The following SHB variants were observed in gnomAD, a reference collection of about 807,000 sequenced individuals.
The protein encoded by SHB is SH2 domain containing adaptor protein B, also known as SH2 domain-containing adapter protein B.
A neutral mutation model predicts 52.3 loss-of-function variants in SHB; 20 were observed. That is an observed-to-expected ratio of 0.38 (90% CI 0.27 to 0.56). SHB has a LOEUF of 0.56. Among genes scored for constraint, SHB ranks in the 20% least tolerant of loss-of-function variants. The probability of loss-of-function intolerance (pLI) is 0.71; values close to 1 mark genes in which losing one functional copy is unlikely to be tolerated. For missense variants in SHB, 825 were observed against 723.3 expected (o/e 1.14, Z -1.61); for synonymous variants, 397 against 316.5 (o/e 1.25, Z -2.70).
At position 37,990,536 on chromosome 9, in the gene SHB, T is replaced by C. The variant is rs546611291; in HGVS notation, c.839-15699A>G. Among the ~76,000 whole-genome samples, 45 of 152,104 alleles carry C rather than the reference T, an allele frequency of 3.0e-4. 1 individual carries two copies. The highest frequency in any genetic ancestry group is 9.9e-4 in the African/African-American group (41 of 41,414). ...CAGAATTTAGCACAGAAAACAAATG[T>C]TTAAAAAAAAATTTGTGTATTCTAA... On this transcript the variant is annotated intron_variant, in intron 2 of 5. Transcript: ENST00000377707.
chr9:38,058,482 T>C (rs2118183893), intron 1 of SHB, among the ~76,000 whole-genome samples: 2 of 152,328 alleles, frequency 1.3e-5, no homozygotes, highest in Middle Eastern at 3.4e-3. Flanking sequence ...CCTCTTCTCA[T>C]CACCTGCTGT....
In SHB at chr9:37,984,223, C is replaced by A. The variant is rs144769572; in HGVS notation, c.839-9386G>T. Among the ~76,000 whole-genome samples, 946 of 152,354 alleles carry A rather than the reference C, an allele frequency of 6.2e-3. 5 individuals are homozygous for A. The highest frequency in any genetic ancestry group is 0.012 in the Admixed American group (184 of 15,306). ...AAGACTCTTCCTCCTCCAAGGCTGT[C>A]TTTGCCCACAGAGCCACAGAAGGCC... On this transcript the variant is annotated intron_variant, in intron 2 of 5. Coordinates refer to ENST00000377707, the MANE Select transcript of SHB (RefSeq NM_003028.3).
Position 38,016,109 on chromosome 9 carries a change from G to C in SHB, c.740C>G (p.Ser247Ter). The stretch of plus-strand genomic sequence containing the variant: ...ATCATTCTTGGCATCAAAGGGATCT[G>C]AGTAGTCATCGGCTATGGTCACCTG... ...KDKVTIADDY[S>*]DPFDAKNDLK... Residue 247 changes from serine to a stop codon, truncating the protein, a stop_gained, in exon 2 of 6, where the codon TCA becomes TGA. Coordinates refer to ENST00000377707, the MANE Select transcript of SHB (RefSeq NM_003028.3). LOFTEE classifies it high-confidence loss of function. 1 of 1,614,168 alleles carries C rather than the reference G, an allele frequency of 6.2e-7. No individual in the cohort carries two copies. Among genetic ancestry groups the C allele is most frequent in the Non-Finnish European group, 8.5e-7 (1 of 1,179,982 alleles).
chr9:38,040,225 A>G (rs1184907043), intron 1 of SHB, among the ~76,000 whole-genome samples: 3 of 152,208 alleles, frequency 2.0e-5, no homozygotes, highest in Non-Finnish European at 2.9e-5. Context: ...TCGATGGGGA[A>G]AGGCTGGGGT....
rs200546962 is a variant in SHB at position 37,917,037 on chromosome 9, G to GA, written c.*2783dup. On this transcript the variant is annotated 3_prime_UTR_variant, in exon 6 of 6. Transcript: ENST00000377707. ...TTTCCCCAATTAATTGGCAGCAGATGAAAAAAAAAAAAAACAAACCCAAAA... is the reference window on the plus strand; with the variant it reads ...TTTCCCCAATTAATTGGCAGCAGATGAAAAAAAAAAAAAAACAAACCCAAAA... 0.046 allele frequency among the ~76,000 whole-genome samples: 5,533 copies of GA among 119,730 alleles called. 233 individuals carry two copies. Among genetic ancestry groups the GA allele is most frequent in the African/African-American group, 0.11 (3,752 of 33,398 alleles). The allele number at this position is 119,730 out of a possible 152,430, so 78.5% of individuals were successfully genotyped here.
In SHB at chr9:37,940,627, TC is replaced by T. The variant is rs150595414; in HGVS notation, c.1346+8007del. 3.0e-3 allele frequency among the ~76,000 whole-genome samples: 457 copies of T among 152,244 alleles called. 1 individual carries two copies. The highest frequency in any genetic ancestry group is 0.01 in the African/African-American group (436 of 41,540). ...CCCTGCTGCCCTGACTCAGGCTGGCTCAAATGCTGCTAGCAAACAGCTTGCC... is the reference window on the plus strand; with the variant it reads ...CCCTGCTGCCCTGACTCAGGCTGGCTAAATGCTGCTAGCAAACAGCTTGCC... On this transcript the variant is annotated intron_variant, in intron 5 of 5. Transcript: ENST00000377707.
At chr9:37,978,385 T>G (rs768232797) in intron 2 of SHB, among the ~76,000 whole-genome samples, 2 of 152,186 alleles carry the variant, frequency 1.3e-5, no homozygotes, top group Non-Finnish European at 2.9e-5. Flanking sequence ...CTACATTACA[T>G]GGCGAATTCA....
At chr9:37,966,006 A>T (rs1365684179) in intron 3 of SHB, among the ~76,000 whole-genome samples, 2 of 152,202 alleles carry the variant, frequency 1.3e-5, no homozygotes, top group Non-Finnish European at 2.9e-5. Context: ...ACTCAAGTAG[A>T]GACCTGGATT....
At chr9:37,926,463 C>G (rs1390748356) in intron 5 of SHB, among the ~76,000 whole-genome samples, 3 of 152,218 alleles carry the variant, frequency 2.0e-5, no homozygotes, top group African/African-American at 7.2e-5. Context: ...TACCTCTTCA[C>G]AGCAACACCA....
At chr9:38,061,819 G>A (rs1821896946) in intron 1 of SHB, among the ~76,000 whole-genome samples, 1 of 152,198 alleles carries the variant, frequency 6.6e-6, no homozygotes, top group Non-Finnish European at 1.5e-5. Context: ...ACACAGCCCG[G>A]CAAATCCTTG....
chr9:37,947,301 C>T (rs769203674), intron 5 of SHB, among the ~76,000 whole-genome samples: 4 of 152,204 alleles, frequency 2.6e-5, no homozygotes, highest in Non-Finnish European at 4.4e-5. Context: ...TGGTCTTATT[C>T]CCCTAGTGAT....
intron 1 of SHB, among the ~76,000 whole-genome samples, chr9:38,039,200 T>TA (rs888567693): frequency 2.6e-5 from 4 of 152,226 alleles, no homozygotes; most frequent in African/African-American, 9.6e-5. Context: ...TGTCAGGCGT[T>TA]AAGCCTCCAA....
rs1488116552 is a variant in SHB at position 37,974,629 on chromosome 9, G to A, written c.1047C>T (p.Ala349=). 2.5e-6 allele frequency: 4 copies of A among 1,612,542 alleles called. No individual in the cohort carries two copies. The highest frequency in any genetic ancestry group is 3.4e-6 in the Non-Finnish European group (4 of 1,179,798). Residue 349 remains alanine (A), a synonymous_variant, in exon 3 of 6, where the codon GCC becomes GCT. Transcript: ENST00000377707. ...PWEWNRVTIP[A]LAAQFNGNEK... ...AGGGTCAGGGCTCCTTACCTGCCAG[G>A]GCTGGGATGGTGACCCGGTTCCACT...
chr9:37,959,999 C>T (rs1366641188), intron 3 of SHB, among the ~76,000 whole-genome samples: 1 of 152,090 alleles, frequency 6.6e-6, no homozygotes, highest in African/African-American at 2.4e-5. Context: ...AAAAAAAAAT[C>T]GGTTTCATAC....
At chr9:37,981,166 T>C (rs1820720061) in intron 2 of SHB, among the ~76,000 whole-genome samples, 1 of 152,238 alleles carries the variant, frequency 6.6e-6, no homozygotes, top group Admixed American at 6.5e-5. Flanking sequence ...GCTCTGAAAG[T>C]CCTAGATGGC....
At chr9:37,986,053 AGCTTG>A (rs1308736893) in intron 2 of SHB, among the ~76,000 whole-genome samples, 7 of 152,228 alleles carry the variant, frequency 4.6e-5, no homozygotes, top group Non-Finnish European at 1.0e-4. Flanking sequence ...ATGTACCAGC[AGCTTG>A]ATGGAGGCAG....
At chr9:38,053,430 G>A (rs180769358) in intron 1 of SHB, among the ~76,000 whole-genome samples, 9 of 152,108 alleles carry the variant, frequency 5.9e-5, no homozygotes, top group Admixed American at 5.9e-4. Flanking sequence ...GTAGAGATGG[G>A]GTTTCACCAT....
chr9:38,005,840 C>T (rs764340758), intron 2 of SHB, among the ~76,000 whole-genome samples: 6 of 152,106 alleles, frequency 3.9e-5, no homozygotes, highest in Non-Finnish European at 7.4e-5. Context: ...TTGGCCACTC[C>T]CTGCATACTA....
chr9:37,921,320 G>A (rs756024294), intron 5 of SHB, among the ~76,000 whole-genome samples: 1 of 152,120 alleles, frequency 6.6e-6, no homozygotes, highest in Non-Finnish European at 1.5e-5. Flanking sequence ...GCCCCTAGCC[G>A]CTGTCGCTCC....
Sources: allele counts gnomAD v4.1 joint callset (sites outside exome capture counted in the v4.1 genomes callset), GRCh38; gene constraint gnomAD v4.1.1; transcripts MANE v1.5; gene names NCBI Gene and HGNC (gene_info 2026-07-23, HGNC 2026-07-21).